GPATCH2L: variants seen among roughly 807,000 people sequenced by gnomAD.
GPATCH2L encodes G-patch domain containing 2 like, also known as G patch domain-containing protein 2-like.
Under a neutral mutation model 57.4 loss-of-function variants are expected in GPATCH2L, and 31 were observed. The observed-to-expected ratio is 0.54, with a 90% CI of 0.41 to 0.73. The LOEUF is 0.73. GPATCH2L is among the 30% of genes least tolerant of loss of function. GPATCH2L has a pLI of 0.00. For synonymous variants in GPATCH2L, 199 were observed against 210.7 expected (o/e 0.94, Z 0.48); for missense variants, 481 against 599.9 (o/e 0.80, Z 2.07).
chr14:76,184,793 G>A (rs77240001), intron 8 of GPATCH2L, among the ~76,000 whole-genome samples: 2,946 of 152,192 alleles, frequency 0.019, 62 homozygotes, highest in South Asian at 0.077. Context: ...AAATATATCC[G>A]TGCTGGGCCC....
intron 8 of GPATCH2L, 115 bp downstream of exon 8, chr14:76,180,964 T>G: frequency 2.9e-6 from 2 of 687,812 alleles, no homozygotes; most frequent in Admixed American, 4.7e-5. Context: ...CCTGACAATC[T>G]TTTGAGGTAA....
At chr14:76,173,456 C>A in intron 4 of GPATCH2L, 90 bp from the exon 5 acceptor site, 1 of 743,818 alleles carries the variant, frequency 1.3e-6, no homozygotes, top group Non-Finnish European at 2.3e-6. Flanking sequence ...CTATTAAGAT[C>A]CTGGGGGTAA....
chr14:76,167,002 A>G (rs1030357868), intron 3 of GPATCH2L, among the ~76,000 whole-genome samples: 8 of 152,100 alleles, frequency 5.3e-5, no homozygotes, highest in Admixed American at 2.0e-4. Flanking sequence ...TCATTGGTCT[A>G]GGTGGTCAGA....
At chr14:76,189,955 G>A (rs2039903863) in intron 8 of GPATCH2L, among the ~76,000 whole-genome samples, 1 of 151,994 alleles carries the variant, frequency 6.6e-6, no homozygotes, top group Non-Finnish European at 1.5e-5. Context: ...AGTGATTTTT[G>A]AAGGTGAACT....
rs181387894 is a variant in GPATCH2L at position 76,171,708 on chromosome 14, G to T, written c.728-135G>T. On this transcript the variant is annotated intron_variant, in intron 3 of 9. Coordinates refer to ENST00000261530, the MANE Select transcript of GPATCH2L (RefSeq NM_017926.4). ...ACTGCATTCCAGCCTGGGTGACAGA[G>T]CAAGACTCTGTCTCAAAAAGGAAAA... The T allele has an allele frequency of 9.9e-6, 6 of 607,646 alleles. No homozygotes were observed. The South Asian group carries it at 1.4e-4, about 14-fold the overall frequency. The allele number at this position is 607,646 out of a possible 1,614,324, so 37.6% of individuals were successfully genotyped here.
chr14:76,170,917 C>T (rs1385072297), intron 3 of GPATCH2L, among the ~76,000 whole-genome samples: 1 of 152,154 alleles, frequency 6.6e-6, no homozygotes, highest in African/African-American at 2.4e-5. Context: ...GCTTTAGTTG[C>T]CTTGTTTGTA....
chr14:76,220,354 G>A (rs1431401923), intron 1 of GPATCH2L, among the ~76,000 whole-genome samples: 1 of 152,152 alleles, frequency 6.6e-6, no homozygotes, highest in Non-Finnish European at 1.5e-5. Flanking sequence ...GGCTGATATA[G>A]CTATACAAAT....
At chr14:76,184,977 A>G (rs1469809154) in intron 8 of GPATCH2L, among the ~76,000 whole-genome samples, 1 of 152,188 alleles carries the variant, frequency 6.6e-6, no homozygotes, top group Non-Finnish European at 1.5e-5. Context: ...CCCTTTCATA[A>G]TTGGTGCAAA....
At position 76,154,647 on chromosome 14, in the gene GPATCH2L, A is replaced by G. The variant is rs774594968; in HGVS notation, c.284A>G (p.Lys95Arg). ...FSDSDDTMVA[K>R]RHPALNAIVK... is the part of the protein sequence containing the mutation. ...GACTCTGATGACACAATGGTAGCCAAACGACACCCAGCTCTCAATGCCATT... is the reference window on the plus strand; with the variant it reads ...GACTCTGATGACACAATGGTAGCCAGACGACACCCAGCTCTCAATGCCATT... The change falls in exon 2 of 10, where the codon AAA becomes AGA. Residue 95 changes from lysine (K) to arginine (R), a missense_variant. Physicochemically the swap from Lys to Arg is conservative, Grantham distance 26. Transcript: ENST00000261530. The surrounding 1 kb of genome is among the most constrained non-coding windows in gnomAD (Gnocchi z 4.4). The G allele has an allele frequency of 3.1e-6, 5 of 1,614,256 alleles. No homozygotes were observed. The Admixed American group carries it at 8.3e-5, about 27-fold the overall frequency.
chr14:76,178,170 G>A (rs936748523), intron 7 of GPATCH2L, 128 bp downstream of exon 7: 4 of 1,329,110 alleles, frequency 3.0e-6, no homozygotes, highest in African/African-American at 2.9e-5. Context: ...TTAGTTTCTT[G>A]TAGCATATAT....
chr14:76,218,651 T>C (rs2040499548), downstream of GPATCH2L, among the ~76,000 whole-genome samples: 1 of 151,940 alleles, frequency 6.6e-6, no homozygotes, highest in Admixed American at 6.6e-5. Context: ...AAAAAAATTA[T>C]ATAAATTAAT....
chr14:76,164,614 T>C (rs541411607), intron 2 of GPATCH2L, among the ~76,000 whole-genome samples: 200 of 151,860 alleles, frequency 1.3e-3, no homozygotes, highest in Non-Finnish European at 2.6e-3. Context: ...TATACAAATA[T>C]AAAAAAAAGA....
intron 2 of GPATCH2L, among the ~76,000 whole-genome samples, chr14:76,162,252 C>T (rs1489768353): frequency 6.6e-6 from 1 of 152,172 alleles, no homozygotes; most frequent in African/African-American, 2.4e-5. Flanking sequence ...CTCATTTCCT[C>T]ATAAAGCTAT....
In GPATCH2L at chr14:76,154,034, G is replaced by C. The variant is rs1429251912; in HGVS notation, c.-10-320G>C. 4.8e-6 allele frequency: 1 copy of C among 208,190 alleles called. No individual in the cohort carries two copies. Among genetic ancestry groups the C allele is most frequent in the African/African-American group, 2.3e-5 (1 of 43,266 alleles). 12.9% of individuals were successfully genotyped at this position (208,190 alleles called of 1,614,324 possible). On this transcript the variant is annotated intron_variant, in intron 1 of 9. Coordinates refer to ENST00000261530, the MANE Select transcript of GPATCH2L (RefSeq NM_017926.4). This position sits in a 1 kb window ranked among gnomAD's most constrained non-coding sequence, Gnocchi z 4.4. The stretch of plus-strand genomic sequence containing the variant: ...ATGACAAGTTTAATTGGGGAAAAGA[G>C]AGAAGGATCTAGTCCCCCGAATTTG...
rs2040446129 is a variant in GPATCH2L at position 76,212,038 on chromosome 14, G to T, written c.*10187G>T. 6.6e-6 allele frequency: 1 copy of T among 152,186 alleles called. No homozygotes were observed. The highest frequency in any genetic ancestry group is 1.9e-4 in the East Asian group (1 of 5,184). The allele number at this position is 152,186 out of a possible 1,614,324, so 9.4% of individuals were successfully genotyped here. ...AATTACTAATTTTTCATTGCTCATA[G>T]TAGAGAATTAAGGTATATTGACTAG... On this transcript the variant is annotated 3_prime_UTR_variant, in exon 10 of 10. Coordinates refer to ENST00000261530, the MANE Select transcript of GPATCH2L (RefSeq NM_017926.4).
downstream of GPATCH2L, among the ~76,000 whole-genome samples, chr14:76,217,377 G>A (rs1484209742): frequency 6.6e-6 from 1 of 152,082 alleles, no homozygotes; most frequent in Non-Finnish European, 1.5e-5. Flanking sequence ...GCATAATAAT[G>A]CGACTGAACT....
chr14:76,230,572 A>G (rs1414658915), intron 2 of GPATCH2L, among the ~76,000 whole-genome samples: 1 of 152,140 alleles, frequency 6.6e-6, no homozygotes, highest in Admixed American at 6.5e-5. Flanking sequence ...GTTTGTTGGG[A>G]AGAACAAACA....
At chr14:76,152,853 A>AT in intron 1 of GPATCH2L, 1 of 441,528 alleles carries the variant, frequency 2.3e-6, no homozygotes, top group Non-Finnish European at 4.5e-6. Flanking sequence ...AGGGAAGTAG[A>AT]TTTTGACATG....
At position 76,223,641 on chromosome 14, in the gene GPATCH2L, C is replaced by T. The variant is rs187291249; in HGVS notation, c.66-6167C>T. On this transcript the variant is annotated intron_variant and NMD_transcript_variant, in intron 1 of 3. Transcript: ENST00000556372. ...AAAAGACACTGTCAAGAAGATGAAA[C>T]GACGACCACAGAATGGGAGAAAATA... 8.9e-4 allele frequency among the ~76,000 whole-genome samples: 135 copies of T among 152,122 alleles called. 1 individual carries two copies. Among genetic ancestry groups the T allele is most frequent in the Middle Eastern group, 3.4e-3 (1 of 294 alleles).
Sources: gnomAD v4.1 joint callset for allele counts (sites outside exome capture counted in the v4.1 genomes callset) on GRCh38, gnomAD v4.1.1 for gene constraint, Gnocchi (gnomAD v3.1) non-coding constraint, MANE v1.5 for transcripts, NCBI Gene and HGNC (gene_info 2026-07-23, HGNC 2026-07-21) for gene names.